PPP2R1A: variants seen among roughly 807,000 people sequenced by gnomAD.
PPP2R1A encodes serine/threonine-protein phosphatase 2A 65 kDa regulatory subunit A alpha isoform.
Under a neutral mutation model 67.1 loss-of-function variants are expected in PPP2R1A, and 15 were observed. The ratio of observed to expected loss-of-function variants is 0.22; its 90% CI spans 0.15 to 0.34. PPP2R1A has a LOEUF of 0.34. PPP2R1A is among the 10% of genes least tolerant of loss of function. The pLI, the probability that PPP2R1A is intolerant of heterozygous loss-of-function variation, is 1.00. For synonymous variants in PPP2R1A, 337 were observed against 325.0 expected, an observed-to-expected ratio of 1.04 and a Z score of -0.40; for missense variants, 369 against 775.0, an observed-to-expected ratio of 0.48 and a Z score of 6.22.
chr19:52,190,321 C>G (rs1008997474), intron 1 of PPP2R1A, 147 bp downstream of exon 1: 2 of 981,418 alleles, frequency 2.0e-6, no homozygotes, highest in African/African-American at 1.6e-5. Flanking sequence ...CCCGGTTGCC[C>G]GGACTCCTTG....
chr19:52,221,621 G>C (rs942596653), intron 12 of PPP2R1A, among the ~76,000 whole-genome samples: 1 of 152,134 alleles, frequency 6.6e-6, no homozygotes, highest in African/African-American at 2.4e-5. Flanking sequence ...CCTGGTGAGC[G>C]TGAAGATTAA....
intron 1 of PPP2R1A, among the ~76,000 whole-genome samples, chr19:52,194,204 A>T (rs890322940): frequency 6.6e-6 from 1 of 151,914 alleles, no homozygotes; most frequent in African/African-American, 2.4e-5. Context: ...TGAGGAAGTG[A>T]TGTTGAACAA....
chr19:52,190,209 G>A (rs1407765853), intron 1 of PPP2R1A, 35 bp downstream of exon 1: 1 of 1,546,620 alleles, frequency 6.5e-7, no homozygotes, highest in Non-Finnish European at 8.7e-7. Flanking sequence ...GGAAGACGCG[G>A]AGGGGTACCT....
intron 3 of PPP2R1A, among the ~76,000 whole-genome samples, chr19:52,209,464 C>T (rs972932833): frequency 1.4e-4 from 21 of 152,122 alleles, no homozygotes; most frequent in African/African-American, 3.1e-4. Context: ...TCATTCATTG[C>T]AACTATTTTT....
Position 52,228,200 on chromosome 19 carries a change from T to C in PPP2R1A, c.*2219T>C, listed in dbSNP as rs1209793137. 1 of 152,202 alleles carries C rather than the reference T, an allele frequency of 6.6e-6. No homozygotes were observed. The highest frequency in any genetic ancestry group is 1.5e-5 in the Non-Finnish European group (1 of 68,130). 9.4% of individuals were successfully genotyped at this position (152,202 alleles called of 1,614,324 possible). A position where few individuals can be genotyped will look rare whatever the true frequency, so the allele number is the denominator to read the frequency against. On this transcript the variant is annotated 3_prime_UTR_variant, in exon 15 of 15. Coordinates refer to ENST00000322088, the MANE Select transcript of PPP2R1A (RefSeq NM_014225.6). ...GATTGGGCAAGTGATGGAATGGGAT[T>C]ATTACAGGAGGTGGAGGTGCGATGG...
intron 1 of PPP2R1A, among the ~76,000 whole-genome samples, chr19:52,195,716 A>C (rs1466305339): frequency 6.6e-6 from 1 of 152,162 alleles, no homozygotes; most frequent in Non-Finnish European, 1.5e-5. Flanking sequence ...GGATAGTATA[A>C]AGAATACAGA....
Position 52,226,139 on chromosome 19 carries a change from G to A in PPP2R1A, c.*158G>A. On this transcript the variant is annotated 3_prime_UTR_variant, in exon 15 of 15. Coordinates refer to ENST00000322088, the MANE Select transcript of PPP2R1A (RefSeq NM_014225.6). ...GCACGGTTCCTCCTCTCCCCAGCCT[G>A]GGAAGATGTCTCACTGTCCACCTCC... is the stretch of plus-strand genomic sequence containing the variant. 1 of 1,146,456 alleles carries A rather than the reference G, an allele frequency of 8.7e-7. No homozygotes were observed. Among genetic ancestry groups the A allele is most frequent in the Non-Finnish European group, 1.3e-6 (1 of 797,630 alleles). 71.0% of individuals were successfully genotyped at this position (1,146,456 alleles called of 1,614,324 possible).
At chr19:52,198,455 G>A (rs902306509) in intron 1 of PPP2R1A, among the ~76,000 whole-genome samples, 2 of 152,106 alleles carry the variant, frequency 1.3e-5, no homozygotes, top group African/African-American at 4.8e-5. Context: ...CCCTCTTTGG[G>A]TTTGATTAAT....
chr19:52,216,826 G>A lies in PPP2R1A; in HGVS notation c.1128+163G>A, dbSNP rs113266943. ...TGTGGGCATAGCTGTGTGTTCATGC[G>A]TTCATTCCTCCAGGCACTCTTCATG... On this transcript the variant is annotated intron_variant, in intron 9 of 14. Transcript: ENST00000322088. This position sits in a 1 kb window ranked among gnomAD's most constrained non-coding sequence, Gnocchi z 4.3. Among the ~76,000 whole-genome samples, 1,020 of 152,258 alleles carry A rather than the reference G, an allele frequency of 6.7e-3. 14 individuals are homozygous for A. Among genetic ancestry groups the A allele is most frequent in the African/African-American group, 0.023 (967 of 41,538 alleles).
At chr19:52,190,884 C>T (rs892384207) in intron 1 of PPP2R1A, among the ~76,000 whole-genome samples, 6 of 152,120 alleles carry the variant, frequency 3.9e-5, no homozygotes, top group East Asian at 3.9e-4. Context: ...TTGAGACAGT[C>T]TCTGTGTCGC....
At chr19:52,194,113 G>C (rs200262455) in intron 1 of PPP2R1A, among the ~76,000 whole-genome samples, 6 of 111,040 alleles carry the variant, frequency 5.4e-5, no homozygotes, top group Non-Finnish European at 7.9e-5. Context: ...AAAAAAAAAA[G>C]AACAAAATAA....
chr19:52,217,760 G>T (rs1217617533), intron 9 of PPP2R1A, among the ~76,000 whole-genome samples: 2 of 152,100 alleles, frequency 1.3e-5, no homozygotes, highest in Non-Finnish European at 2.9e-5. Context: ...TTGGCCAGGA[G>T]GGTCACGTGA....
chr19:52,214,394 A>G (rs1600169177), intron 6 of PPP2R1A, among the ~76,000 whole-genome samples: 2 of 152,156 alleles, frequency 1.3e-5, no homozygotes, highest in South Asian at 4.1e-4. Flanking sequence ...TACCATCACC[A>G]CAGTTAGGGA....
At chr19:52,191,424 A>G (rs2089453728) in intron 1 of PPP2R1A, 1 of 152,244 alleles carries the variant, frequency 6.6e-6, no homozygotes. Flanking sequence ...TAAGGGCTCG[A>G]TAAATATTAG....
chr19:52,222,185 T>C lies in PPP2R1A; in HGVS notation c.1605T>C (p.Asn535=), dbSNP rs987824626. 3 of 1,614,088 alleles carry C rather than the reference T, an allele frequency of 1.9e-6. No individual in the cohort carries two copies. Among genetic ancestry groups the C allele is most frequent in the African/African-American group, 2.7e-5 (2 of 74,938 alleles). ...GCATGGCTGGGGACCCGGTTGCCAA[T>C]GTCCGCTTCAATGTGGCCAAGTCTC... ...VLRMAGDPVA[N]VRFNVAKSLQ... The change falls in exon 13 of 15, where the codon AAT becomes AAC. Residue 535 remains asparagine (N), a synonymous_variant. Transcript: ENST00000322088.
intron 1 of PPP2R1A, chr19:52,191,259 C>T (rs1393767349): frequency 3.3e-5 from 5 of 152,262 alleles, no homozygotes; most frequent in Non-Finnish European, 7.3e-5. Context: ...CACCTCCCAC[C>T]TGCTGTGTGA....
chr19:52,216,152 A>G lies in PPP2R1A; in HGVS notation c.993+78A>G. 6.7e-7 allele frequency: 1 copy of G among 1,498,718 alleles called. No individual in the cohort carries two copies. Among genetic ancestry groups the G allele is most frequent in the Non-Finnish European group, 9.3e-7 (1 of 1,080,584 alleles). The allele number at this position is 1,498,718 out of a possible 1,614,324, so 92.8% of individuals were successfully genotyped here. A position where few individuals can be genotyped will look rare whatever the true frequency, so the allele number is the denominator to read the frequency against. On this transcript the variant is annotated intron_variant, in intron 8 of 14. Coordinates refer to ENST00000322088, the MANE Select transcript of PPP2R1A (RefSeq NM_014225.6). This position sits in a 1 kb window ranked among gnomAD's most constrained non-coding sequence, Gnocchi z 4.3. Reference sequence around the variant, plus strand: ...AGGGGCTGGAGACAAGGCTTTGGGGATAGTCAGCTGCAAACTAGGTTCCCA... The same window carrying G: ...AGGGGCTGGAGACAAGGCTTTGGGGGTAGTCAGCTGCAAACTAGGTTCCCA...
intron 2 of PPP2R1A, among the ~76,000 whole-genome samples, chr19:52,202,710 A>G (rs2089563163): frequency 6.6e-6 from 1 of 152,242 alleles, no homozygotes; most frequent in African/African-American, 2.4e-5. Context: ...GCATTGGTTA[A>G]TGACTGATTT....
Position 52,221,115 on chromosome 19 carries a change from T to G in PPP2R1A, c.1500T>G (p.Thr500=). The change falls in exon 12 of 15, where the codon ACT becomes ACG. Residue 500 remains threonine, a synonymous_variant. Coordinates refer to ENST00000322088, the MANE Select transcript of PPP2R1A (RefSeq NM_014225.6). ...ACCCCAACTACCTGCACCGCATGAC[T>G]ACGCTCTTCTGCATCAATGTGAGCC... ...SGDPNYLHRM[T]TLFCINVLSE... The G allele has an allele frequency of 6.2e-7, 1 of 1,614,202 alleles. No homozygotes were observed. The highest frequency in any genetic ancestry group is 1.1e-5 in the South Asian group (1 of 91,088).
Sources: gnomAD v4.1 joint callset for allele counts (sites outside exome capture counted in the v4.1 genomes callset) on GRCh38, gnomAD v4.1.1 for gene constraint, Gnocchi (gnomAD v3.1) non-coding constraint, MANE v1.5 for transcripts, NCBI Gene and HGNC (gene_info 2026-07-23, HGNC 2026-07-21) for gene names.